The following PLXNA2 variants were observed in gnomAD, a reference collection of about 807,000 sequenced individuals.
PLXNA2 encodes the protein plexin-A2.
A neutral mutation model predicts 193.5 loss-of-function variants in PLXNA2; 91 were observed. The ratio of observed to expected loss-of-function variants is 0.47; its 90% confidence interval spans 0.40 to 0.56. The LOEUF (loss-of-function observed/expected upper bound fraction) is 0.56, where lower values mean the gene tolerates loss of function less well. Among genes scored for constraint, PLXNA2 ranks in the 20% least tolerant of loss-of-function variants. The pLI is 0.00. For synonymous variants in PLXNA2, 997 were observed against 1,027.3 expected, an observed-to-expected ratio of 0.97 and a Z score of 0.56; for missense variants, 1,995 against 2,503.2, an observed-to-expected ratio of 0.80 and a Z score of 4.33.
intron 9 of PLXNA2, among the ~76,000 whole-genome samples, chr1:208,090,571 C>T (rs1376168121): frequency 6.6e-6 from 1 of 152,104 alleles, no homozygotes; most frequent in African/African-American, 2.4e-5. Flanking sequence ...CCACACACAC[C>T]CCAGCAGAGT....
intron 2 of PLXNA2, among the ~76,000 whole-genome samples, chr1:208,214,778 C>G (rs915370375): frequency 6.6e-6 from 1 of 152,188 alleles, no homozygotes; most frequent in African/African-American, 2.4e-5. Context: ...CTCATCTGAT[C>G]ATCCCATGAG....
rs143387663 is a variant in PLXNA2, at chr1:208,206,246, C to T, written c.1371+4034G>A. Among the ~76,000 whole-genome samples the T allele has an allele frequency of 3.4e-3, 519 of 152,336 alleles. 4 individuals carry two copies. The highest frequency in any genetic ancestry group is 0.012 in the African/African-American group (498 of 41,568). ...TCTGGCACTTGAGTTTGCTTAACAC[C>T]CTCTTGCGATGTTATCTCCAAGGTA... is the stretch of plus-strand genomic sequence containing the variant. On this transcript the variant is annotated intron_variant, in intron 3 of 31. Coordinates refer to ENST00000367033, the MANE Select transcript of PLXNA2 (RefSeq NM_025179.4).
chr1:208,046,232 G>A, intron 17 of PLXNA2, 115 bp from the exon 18 acceptor site: 5 of 1,322,108 alleles, frequency 3.8e-6, no homozygotes, highest in South Asian at 1.5e-5. Context: ...GGGTTTACTT[G>A]CTTGTCTCCA....
intron 10 of PLXNA2, among the ~76,000 whole-genome samples, chr1:208,083,293 C>T (rs1392054426): frequency 1.3e-5 from 2 of 152,158 alleles, no homozygotes. Context: ...TTGTGCTGAT[C>T]CCACAGAAGA....
chr1:208,042,111 G>C lies in PLXNA2; in HGVS notation c.4273C>G (p.Leu1425Val). 1 of 1,614,060 alleles carries C rather than the reference G, an allele frequency of 6.2e-7. No individual in the cohort carries two copies. The highest frequency in any genetic ancestry group is 8.5e-7 in the Non-Finnish European group (1 of 1,179,964). ...KNLENKNHPK[L>V]LLRRTESVAE... ...TGCGGGCCAGACCTCCGGAGTAGCA[G>C]CTTGGGGTGGTTCTTGTTCTCCAGG... Residue 1425 changes from leucine to valine, a missense_variant, in exon 22 of 32, where the codon CTG (leucine) becomes GTG (valine). Leu to Val is a conservative substitution (Grantham distance 32, BLOSUM62 1). This residue lies in a region of PLXNA2 where 1,291 missense variants were observed against 1,673.6 expected (regional missense o/e 0.77). Transcript: ENST00000367033.
intron 4 of PLXNA2, among the ~76,000 whole-genome samples, chr1:208,106,152 T>C (rs1667266159): frequency 6.7e-6 from 1 of 149,676 alleles, no homozygotes; most frequent in Non-Finnish European, 1.5e-5. Context: ...GGGGGGGTGG[T>C]CTAAAACTTG....
At chr1:208,114,381 T>C (rs1446969051) in intron 4 of PLXNA2, among the ~76,000 whole-genome samples, 1 of 152,206 alleles carries the variant, frequency 6.6e-6, no homozygotes, top group African/African-American at 2.4e-5. Flanking sequence ...TGTCATCAAA[T>C]GGTATGACAC....
rs767782028 is a variant in PLXNA2, at chr1:208,217,960, G to A, written c.-38C>T. 3.9e-5 allele frequency: 62 copies of A among 1,595,646 alleles called. No individual in the cohort carries two copies. Among genetic ancestry groups the A allele is most frequent in the South Asian group, 1.5e-4 (14 of 90,460 alleles). On this transcript the variant is annotated 5_prime_UTR_variant, in exon 2 of 32. Transcript: ENST00000367033. The surrounding 1 kb of genome is among the most constrained non-coding windows in gnomAD (Gnocchi z 4.7). ...GGCGGTGAGGAGACGGCTCCTGTGT[G>A]TGCTCATCTGCTCCACCTTCCCCGG...
chr1:208,214,698 C>T (rs1388440148), intron 2 of PLXNA2, among the ~76,000 whole-genome samples: 1 of 152,192 alleles, frequency 6.6e-6, no homozygotes, highest in Non-Finnish European at 1.5e-5. Flanking sequence ...TTCTCACACT[C>T]CCTGTTAACT....
intron 22 of PLXNA2, 115 bp from the exon 23 acceptor site, chr1:208,040,173 C>T (rs530860679): frequency 4.4e-4 from 357 of 816,986 alleles, no homozygotes; most frequent in Non-Finnish European, 6.0e-4. Context: ...GAACGCAGGG[C>T]GGGAGTCAGG....
rs370829939 is a variant in PLXNA2 at position 208,234,911 on chromosome 1, A to G, written c.-81+8732T>C. Among the ~76,000 whole-genome samples the G allele has an allele frequency of 1.3e-3, 191 of 152,048 alleles. 1 individual carries two copies. The highest frequency in any genetic ancestry group is 4.2e-3 in the African/African-American group (176 of 41,438). On this transcript the variant is annotated intron_variant, in intron 1 of 31. Transcript: ENST00000367033. ...TGACTCACGGCAATGCACTTACCCA[A>G]TTTGGACTTGGGTTTCACATCCACT...
At position 208,031,590 on chromosome 1, in the gene PLXNA2, C is replaced by G. The variant is rs1339496895; in HGVS notation, c.5225G>C (p.Cys1742Ser). 6.2e-7 allele frequency: 1 copy of G among 1,614,062 alleles called. No homozygotes were observed. Residue 1742 changes from cysteine (C) to serine (S), a missense_variant and splice_region_variant, in exon 29 of 32, where the codon TGC (cysteine) becomes TCC (serine). Around this residue, in one of 3 missense-constraint regions of PLXNA2, gnomAD observed 1,291 missense variants for 1,673.6 expected, o/e 0.77. Coordinates refer to ENST00000367033, the MANE Select transcript of PLXNA2 (RefSeq NM_025179.4). ...CCTGCTGAGCTCCCCGAGGGTTTAC[C>G]AGTTGCTTTTCCAGGTGTGCCGCAC... Reference protein sequence around the residue: ...TDVRHTWKSNCLPLRFWVNVI... With the variant: ...TDVRHTWKSNSLPLRFWVNVI...
rs570081309 is a variant in PLXNA2, at chr1:208,051,436, C to T, written c.2994-13G>A. ...ACTCATTGACCTCCTGACAGGGAGA[C>T]AGCAGGAGGGTTGAGAAGAAAGGCA... On this transcript the variant is annotated splice_polypyrimidine_tract_variant and intron_variant, in intron 15 of 31. Transcript: ENST00000367033. The T allele has an allele frequency of 3.6e-5, 57 of 1,603,736 alleles. No homozygotes were observed. The South Asian group carries it at 4.2e-4, about 12-fold the overall frequency.
intron 3 of PLXNA2, among the ~76,000 whole-genome samples, chr1:208,201,956 T>C (rs1670564612): frequency 6.7e-6 from 1 of 149,060 alleles, no homozygotes; most frequent in Non-Finnish European, 1.5e-5. Flanking sequence ...ATTCAGATAA[T>C]TTCCATCAGG....
chr1:208,140,238 G>A (rs1668421363), intron 4 of PLXNA2, among the ~76,000 whole-genome samples: 1 of 152,214 alleles, frequency 6.6e-6, no homozygotes. Context: ...GATCTAGGAG[G>A]TGATTATATT....
intron 3 of PLXNA2, among the ~76,000 whole-genome samples, chr1:208,197,109 G>C (rs541549394): frequency 6.6e-6 from 1 of 152,326 alleles, no homozygotes; most frequent in African/African-American, 2.4e-5. Context: ...GTAAATAGTA[G>C]AGTTAGGACT....
chr1:208,199,488 C>G (rs903271775), intron 3 of PLXNA2, among the ~76,000 whole-genome samples: 2 of 152,068 alleles, frequency 1.3e-5, no homozygotes, highest in East Asian at 1.9e-4. Flanking sequence ...GTCAGGAGAT[C>G]GAGACCATCC....
In PLXNA2 at chr1:208,051,096, G is replaced by A. The variant is rs751337481; in HGVS notation, c.3168C>T (p.His1056=). The change falls in exon 17 of 32, where the codon CAC becomes CAT. Residue 1056 remains histidine (H), a synonymous_variant. Transcript: ENST00000367033. ...TGAAGCCTGTGATGGTCAGGGGTGTGTGGCCACTGAAAACAGGCAGAGGCT... is the reference window on the plus strand; with the variant it reads ...TGAAGCCTGTGATGGTCAGGGGTGTATGGCCACTGAAAACAGGCAGAGGCT... ...IEPEWSIASG[H]TPLTITGFNL... is the part of the protein sequence containing the mutation. The A allele has an allele frequency of 5.0e-6, 8 of 1,613,624 alleles. No individual in the cohort carries two copies. The highest frequency in any genetic ancestry group is 1.7e-4 in the Middle Eastern group (1 of 6,060).
At chr1:208,081,983 G>A (rs779735865) in intron 11 of PLXNA2, among the ~76,000 whole-genome samples, 3 of 151,926 alleles carry the variant, frequency 2.0e-5, no homozygotes, top group African/African-American at 4.8e-5. Context: ...GCTCTCTCCC[G>A]CCCACCTCAG....
Sources: gnomAD v4.1 joint callset for allele counts (sites outside exome capture counted in the v4.1 genomes callset) on GRCh38, gnomAD v4.1.1 for gene constraint, gnomAD v4.1.1 regional missense constraint, Gnocchi (gnomAD v3.1) non-coding constraint, MANE v1.5 for transcripts, NCBI Gene and HGNC (gene_info 2026-07-23, HGNC 2026-07-21) for gene names.